CDK17: variants seen among roughly 807,000 people sequenced by gnomAD.
CDK17 encodes the protein cyclin-dependent kinase 17.
In CDK17, 24 loss-of-function variants were observed where a neutral mutation model predicts 77.6. The observed-to-expected ratio is 0.31, with a 90% CI of 0.22 to 0.44. CDK17 has a LOEUF of 0.44. Among genes scored for constraint, CDK17 ranks in the 20% least tolerant of loss-of-function variants. The pLI, the probability that CDK17 is intolerant of heterozygous loss-of-function variation, is 1.00. For synonymous variants in CDK17, 203 were observed against 210.4 expected, an observed-to-expected ratio of 0.96 and a Z score of 0.30; for missense variants, 429 against 622.5, an observed-to-expected ratio of 0.69 and a Z score of 3.31.
At chr12:96,393,354 CAAAAAAAAAAAAAAA>C (rs10633197) in intron 1 of CDK17, among the ~76,000 whole-genome samples, 1 of 43,346 alleles carries the variant, frequency 2.3e-5, no homozygotes, top group Non-Finnish European at 4.1e-5. Context: ...GGCTCCGCCT[CAAAAAAAAAAAAAAA>C]AAAAAAAAAA....
At chr12:96,281,360 A>G (rs1259306662) in intron 15 of CDK17, among the ~76,000 whole-genome samples, 3 of 152,234 alleles carry the variant, frequency 2.0e-5, no homozygotes, top group Non-Finnish European at 2.9e-5. Flanking sequence ...GGTATTAATA[A>G]TGAAACACAA....
intron 1 of CDK17, among the ~76,000 whole-genome samples, chr12:96,392,029 A>C (rs1232123075): frequency 1.3e-5 from 2 of 152,214 alleles, no homozygotes; most frequent in Non-Finnish European, 2.9e-5. Flanking sequence ...GAGTATGATA[A>C]TACGGGAAGA....
At position 96,300,313 on chromosome 12, in the gene CDK17, CT is replaced by C; in HGVS notation, c.590del (p.Lys197SerfsTer17). 6.3e-7 allele frequency: 1 copy of C among 1,597,108 alleles called. No homozygotes were observed. The highest frequency in any genetic ancestry group is 8.5e-7 in the Non-Finnish European group (1 of 1,169,630). On this transcript the variant is annotated frameshift_variant, in exon 6 of 17. Coordinates refer to ENST00000261211, the MANE Select transcript of CDK17 (RefSeq NM_002595.5). LOFTEE classifies it high-confidence loss of function. ...GKMETYIKLE[K>X]LGEGTYATVY... Reference sequence around the variant, plus strand: ...TGAGATATTTACTTACCTCTCCAAGCTTTTCCAATTTGATGTAGGTTTCCAT... The same window carrying C: ...TGAGATATTTACTTACCTCTCCAAGCTTTCCAATTTGATGTAGGTTTCCAT...
intron 1 of CDK17, among the ~76,000 whole-genome samples, chr12:96,385,847 A>G (rs1953964329): frequency 6.6e-6 from 1 of 152,192 alleles, no homozygotes; most frequent in Non-Finnish European, 1.5e-5. Flanking sequence ...GAAACAAGCT[A>G]AAAGAGTCAG....
At chr12:96,353,623 C>T (rs1953348227) in intron 1 of CDK17, among the ~76,000 whole-genome samples, 2 of 148,658 alleles carry the variant, frequency 1.3e-5, no homozygotes, top group African/African-American at 4.9e-5. Context: ...GGCGCGGGTA[C>T]AAATATTTTA....
In CDK17 at chr12:96,289,190, C is replaced by G; in HGVS notation, c.1095G>C (p.Glu365Asp). 6.2e-7 allele frequency: 1 copy of G among 1,613,896 alleles called. No individual in the cohort carries two copies. The change falls in exon 11 of 17, where the codon GAG (glutamate) becomes GAC (aspartate). Residue 365 changes from glutamate to aspartate, a missense_variant. By Grantham distance (45) the Glu-to-Asp change is conservative. Transcript: ENST00000261211. ...RPPDVLLGSS[E>D]YSTQIDMWGV... ...ACCACATGTCAATCTGTGTTGAGTACTCCGAGGAACCAAGAAGCACATCAG... is the reference window on the plus strand; with the variant it reads ...ACCACATGTCAATCTGTGTTGAGTAGTCCGAGGAACCAAGAAGCACATCAG...
At chr12:96,373,981 G>A (rs1043935018) in intron 1 of CDK17, among the ~76,000 whole-genome samples, 12 of 152,246 alleles carry the variant, frequency 7.9e-5, no homozygotes, top group East Asian at 1.9e-4. Flanking sequence ...CCAAAAGGAT[G>A]TGAGATCTAA....
chr12:96,374,125 C>T (rs1026925838), intron 1 of CDK17, among the ~76,000 whole-genome samples: 15 of 152,180 alleles, frequency 9.9e-5, no homozygotes, highest in Non-Finnish European at 1.9e-4. Context: ...ATCACTAACC[C>T]TCTTTCCCCA....
intron 1 of CDK17, among the ~76,000 whole-genome samples, chr12:96,363,658 T>C (rs1393356008): frequency 6.6e-6 from 1 of 151,952 alleles, no homozygotes; most frequent in Non-Finnish European, 1.5e-5. Flanking sequence ...CCATCCTAGC[T>C]AACACAGTGA....
At chr12:96,377,035 T>C (rs1271809307) in intron 1 of CDK17, among the ~76,000 whole-genome samples, 1 of 152,176 alleles carries the variant, frequency 6.6e-6, no homozygotes, top group East Asian at 1.9e-4. Context: ...TGCCTAAGTA[T>C]TTCTTTTACT....
chr12:96,297,871 C>T (rs1952431997), intron 7 of CDK17, 150 bp from the exon 8 acceptor site: 3 of 461,754 alleles, frequency 6.5e-6, no homozygotes, highest in Admixed American at 3.9e-5. Context: ...TTTGAGAGAC[C>T]GAGGCAGGCG....
rs114209401 is a variant in CDK17, at chr12:96,342,656, T to C, written c.-29-7791A>G. ...TTTCAATCATGCTATAGGTTTTTTA[T>C]ACAAACACTTAAAATTTTTAATCCT... On this transcript the variant is annotated intron_variant, in intron 1 of 16. Transcript: ENST00000261211. Among the ~76,000 whole-genome samples the C allele has an allele frequency of 4.0e-3, 606 of 152,310 alleles. 2 individuals carry two copies. Among genetic ancestry groups the C allele is most frequent in the African/African-American group, 0.014 (581 of 41,566 alleles).
chr12:96,289,068 A>G, intron 11 of CDK17, 99 bp downstream of exon 11: 1 of 1,297,616 alleles, frequency 7.7e-7, no homozygotes, highest in Non-Finnish European at 1.1e-6. Flanking sequence ...GCTCTTTAAA[A>G]TAATATCTCC....
intron 4 of CDK17, 142 bp from the exon 5 acceptor site, chr12:96,311,319 TGTAA>T: frequency 1.7e-6 from 1 of 586,246 alleles, no homozygotes; most frequent in Non-Finnish European, 2.7e-6. Flanking sequence ...ATTGATTATA[TGTAA>T]TATACTCATG....
At chr12:96,297,062 G>T (rs1408016844) in intron 9 of CDK17, among the ~76,000 whole-genome samples, 1 of 152,022 alleles carries the variant, frequency 6.6e-6, no homozygotes, top group Non-Finnish European at 1.5e-5. Flanking sequence ...GAATGAAGTG[G>T]TTCTACAAAA....
chr12:96,385,281 T>A (rs913665218), intron 1 of CDK17, among the ~76,000 whole-genome samples: 17 of 151,984 alleles, frequency 1.1e-4, no homozygotes, highest in African/African-American at 4.1e-4. Flanking sequence ...GCCACTGCAC[T>A]CCAGCCTGGG....
chr12:96,377,944 T>C (rs960217968), intron 1 of CDK17, among the ~76,000 whole-genome samples: 78 of 152,224 alleles, frequency 5.1e-4, no homozygotes, highest in Admixed American at 1.6e-3. Flanking sequence ...CCGCCCACCT[T>C]GGCCTCCCAA....
chr12:96,281,181 G>A (rs1485211432), intron 15 of CDK17, among the ~76,000 whole-genome samples: 1 of 152,162 alleles, frequency 6.6e-6, no homozygotes, highest in Non-Finnish European at 1.5e-5. Flanking sequence ...CTGGGGTTGG[G>A]AGACCCAGTC....
intron 3 of CDK17, among the ~76,000 whole-genome samples, chr12:96,322,874 T>C (rs1952840949): frequency 6.6e-6 from 1 of 152,192 alleles, no homozygotes. Flanking sequence ...CAATCATCTC[T>C]TATGAACTAG....
Sources: allele counts gnomAD v4.1 joint callset (sites outside exome capture counted in the v4.1 genomes callset), GRCh38; gene constraint gnomAD v4.1.1; transcripts MANE v1.5; gene names NCBI Gene and HGNC (gene_info 2026-07-23, HGNC 2026-07-21).